DNAH8: variants seen among roughly 807,000 people sequenced by gnomAD.
DNAH8 encodes the protein axonemal beta dynein heavy chain 8.
DNAH8 carries 382 observed loss-of-function variants against 562.1 expected under a neutral mutation model. That is an observed-to-expected ratio of 0.68 (90% CI 0.63 to 0.74). The LOEUF (loss-of-function observed/expected upper bound fraction) is 0.74, where lower values mean the gene tolerates loss of function less well. Ranked by LOEUF, DNAH8 falls within the 30% of genes least tolerant of loss-of-function variation. The pLI is 0.00. For missense variants in DNAH8, 5,203 were observed against 5,620.4 expected, an observed-to-expected ratio of 0.93 and a Z score of 2.37; for synonymous variants, 1,881 against 1,919.4, an observed-to-expected ratio of 0.98 and a Z score of 0.52.
rs139961713 is a variant in DNAH8, at chr6:38,803,192, A to T, written c.2915A>T (p.Glu972Val). The change falls in exon 22 of 93, where the codon GAA becomes GTA. Residue 972 changes from glutamate to valine, a missense_variant. This residue lies in a region of DNAH8 where 2,176 missense variants were observed against 2,365.1 expected (regional missense o/e 0.92). Coordinates refer to ENST00000327475, the MANE Select transcript of DNAH8 (RefSeq NM_001206927.2). ...MLTLNETYTK[E>V]WADILNHKSK... ...TTTATTTAACAGACATACACAAAAG[A>T]ATGGGCTGACATTCTAAACCACAAA... 3.3e-3 allele frequency: 5,283 copies of T among 1,599,432 alleles called. 123 individuals carry two copies. The South Asian group carries it at 0.034, about 10-fold the overall frequency.
At chr6:38,956,263 G>C (rs182360237) in intron 82 of DNAH8, among the ~76,000 whole-genome samples, 1 of 152,276 alleles carries the variant, frequency 6.6e-6, no homozygotes, top group African/African-American at 2.4e-5. Flanking sequence ...TGTCAGCTCT[G>C]GTCCCTCCTG....
At chr6:38,957,881 A>AC (rs1762349686) in intron 82 of DNAH8, among the ~76,000 whole-genome samples, 2 of 151,468 alleles carry the variant, frequency 1.3e-5, no homozygotes, top group South Asian at 4.2e-4. Flanking sequence ...AAAAAAAAAA[A>AC]AAAAAACAAG....
chr6:38,767,530 C>T lies in DNAH8; in HGVS notation c.1618-2883C>T, dbSNP rs190390760. On this transcript the variant is annotated intron_variant, in intron 11 of 92. Coordinates refer to ENST00000327475, the MANE Select transcript of DNAH8 (RefSeq NM_001206927.2). ...TTTATGAATTTGCCTATTCTAGGTACCTCAAATAAGTGGAATTAAACAATA... is the reference window on the plus strand; with the variant it reads ...TTTATGAATTTGCCTATTCTAGGTATCTCAAATAAGTGGAATTAAACAATA... Among the ~76,000 whole-genome samples the T allele has an allele frequency of 3.8e-4, 57 of 151,946 alleles. 1 individual carries two copies. The highest frequency in any genetic ancestry group is 1.3e-3 in the African/African-American group (54 of 41,480).
intron 75 of DNAH8, among the ~76,000 whole-genome samples, chr6:38,930,568 C>T (rs1052458509): frequency 5.9e-5 from 9 of 151,934 alleles, no homozygotes; most frequent in Admixed American, 1.3e-4. Context: ...ATAAATAAAA[C>T]GCAGTTAGTG....
intron 71 of DNAH8, among the ~76,000 whole-genome samples, chr6:38,922,136 T>C (rs891221755): frequency 6.6e-6 from 1 of 151,738 alleles, no homozygotes; most frequent in African/African-American, 2.4e-5. Context: ...ACAGGGGATA[T>C]GATGGCTTAG....
In DNAH8 at chr6:38,874,068, T is replaced by TTCTTTCTTTCTTTTTCTTTC. The variant is rs377254876; in HGVS notation, c.7620+693_7620+694insCTTTCTTTCTTTTTCTTTCT. Reference sequence around the variant, plus strand: ...TTTCTTTCTTTCTTTCTTTCTTTCTTTTTCTTTCTTTCTTTCTTTCTTTCT... The same window carrying TTCTTTCTTTCTTTTTCTTTC: ...TTTCTTTCTTTCTTTCTTTCTTTCTTTCTTTCTTTCTTTTTCTTTCTTTCTTTCTTTCTTTCTTTCTTTCT... On this transcript the variant is annotated intron_variant, in intron 52 of 92. Transcript: ENST00000327475. Among the ~76,000 whole-genome samples, 150 of 57,076 alleles carry TTCTTTCTTTCTTTTTCTTTC rather than the reference T, an allele frequency of 2.6e-3. 37 individuals carry two copies. Among genetic ancestry groups the TTCTTTCTTTCTTTTTCTTTC allele is most frequent in the Admixed American group, 3.8e-3 (16 of 4,172 alleles). The allele number at this position is 57,076 out of a possible 152,430, so 37.4% of individuals were successfully genotyped here.
chr6:38,839,298 T>C (rs1774571831), intron 33 of DNAH8, among the ~76,000 whole-genome samples: 1 of 139,670 alleles, frequency 7.2e-6, no homozygotes. Flanking sequence ...TTCATTTTGA[T>C]ATTTTAAATT....
At chr6:38,921,955 G>T (rs1781740809) in intron 71 of DNAH8, among the ~76,000 whole-genome samples, 1 of 152,012 alleles carries the variant, frequency 6.6e-6, no homozygotes, top group Non-Finnish European at 1.5e-5. Context: ...GCAGGGGTGG[G>T]GGTCACAAGG....
At chr6:38,746,857 A>G (rs1764983900) in intron 8 of DNAH8, among the ~76,000 whole-genome samples, 1 of 151,982 alleles carries the variant, frequency 6.6e-6, no homozygotes, top group African/African-American at 2.4e-5. Context: ...TGAACCCGGG[A>G]GGTAGAGGTT....
At chr6:38,803,542 A>G (rs1459901084) in intron 22 of DNAH8, among the ~76,000 whole-genome samples, 1 of 151,578 alleles carries the variant, frequency 6.6e-6, no homozygotes, top group East Asian at 1.9e-4. Flanking sequence ...ACCCCGGTCC[A>G]GCGTTGCAAG....
At chr6:38,795,537 A>G (rs1346115316) in intron 21 of DNAH8, among the ~76,000 whole-genome samples, 1 of 151,382 alleles carries the variant, frequency 6.6e-6, no homozygotes, top group Admixed American at 6.6e-5. Flanking sequence ...CTGAGATCTC[A>G]CCACTGCACT....
At chr6:38,995,201 A>G (rs1765058393) in intron 88 of DNAH8, among the ~76,000 whole-genome samples, 1 of 152,164 alleles carries the variant, frequency 6.6e-6, no homozygotes, top group Non-Finnish European at 1.5e-5. Flanking sequence ...ACACCTAAAA[A>G]GTTAGTGAAT....
intron 3 of DNAH8, among the ~76,000 whole-genome samples, chr6:38,729,592 T>A (rs1763505823): frequency 6.6e-6 from 1 of 152,240 alleles, no homozygotes; most frequent in South Asian, 2.1e-4. Flanking sequence ...TAGTTTATCT[T>A]AATAATACTT....
At chr6:38,923,023 A>G (rs1781833370) in intron 71 of DNAH8, 35 bp from the exon 72 acceptor site, 2 of 1,593,506 alleles carry the variant, frequency 1.3e-6, no homozygotes, top group Non-Finnish European at 1.7e-6. Flanking sequence ...GCACTTAGAA[A>G]AGTTTTTTGA....
intron 71 of DNAH8, among the ~76,000 whole-genome samples, chr6:38,921,877 T>C (rs1781731835): frequency 6.6e-6 from 1 of 151,170 alleles, no homozygotes; most frequent in South Asian, 2.1e-4. Context: ...GAGACAGGGG[T>C]GGGGCCGTTT....
chr6:38,782,767 CCTCT>C lies in DNAH8; in HGVS notation c.2260-232_2260-229del, dbSNP rs368461207. The stretch of plus-strand genomic sequence containing the variant: ...CTGGGGCAGGCTGTGGGGCTGGAGG[CCTCT>C]CTCTTTCTAAACCCTTTGTTTCCTT... On this transcript the variant is annotated intron_variant, in intron 16 of 92. Transcript: ENST00000327475. 1.9e-3 allele frequency among the ~76,000 whole-genome samples: 293 copies of C among 152,180 alleles called. 1 individual carries two copies. The highest frequency in any genetic ancestry group is 6.4e-3 in the African/African-American group (267 of 41,524).
At chr6:38,988,140 G>A (rs537489560) in intron 87 of DNAH8, among the ~76,000 whole-genome samples, 1 of 152,186 alleles carries the variant, frequency 6.6e-6, no homozygotes, top group Non-Finnish European at 1.5e-5. Flanking sequence ...TCTCGGGCTT[G>A]TCTTTGAACC....
chr6:38,820,713 G>T (rs1772745124), intron 26 of DNAH8, among the ~76,000 whole-genome samples: 1 of 152,038 alleles, frequency 6.6e-6, no homozygotes, highest in Non-Finnish European at 1.5e-5. Context: ...AGCAAGGTTG[G>T]TTTAACATCC....
intron 73 of DNAH8, among the ~76,000 whole-genome samples, chr6:38,925,516 T>C (rs1782050014): frequency 6.6e-6 from 1 of 151,766 alleles, no homozygotes; most frequent in African/African-American, 2.4e-5. Context: ...ATTGATCACA[T>C]GGTGGGAGGC....
Sources: gnomAD v4.1 joint callset for allele counts (sites outside exome capture counted in the v4.1 genomes callset) on GRCh38, gnomAD v4.1.1 for gene constraint, gnomAD v4.1.1 regional missense constraint, MANE v1.5 for transcripts, NCBI Gene and HGNC (gene_info 2026-07-23, HGNC 2026-07-21) for gene names.